Variants in NCMAP observed in about 807,000 individuals in gnomAD.
The protein encoded by NCMAP is noncompact myelin-associated protein.
Under a neutral mutation model 7.8 loss-of-function variants are expected in NCMAP, and 8 were observed. That is an observed-to-expected ratio of 1.02 (90% CI 0.60 to 1.84). The LOEUF (loss-of-function observed/expected upper bound fraction) is 1.84, where lower values mean the gene tolerates loss of function less well. Among genes scored for constraint, NCMAP ranks in the 40% most tolerant of loss-of-function variants. NCMAP has a pLI of 0.00. For missense variants in NCMAP, 112 were observed against 131.4 expected (o/e 0.85, Z 0.72); for synonymous variants, 41 against 52.9 (o/e 0.78, Z 0.98).
chr1:24,595,917 G>C (rs1473035649), intron 2 of NCMAP, among the ~76,000 whole-genome samples: 1 of 149,558 alleles, frequency 6.7e-6, no homozygotes, highest in African/African-American at 2.5e-5. Flanking sequence ...GATGACTAAA[G>C]GGGATAATCC....
chr1:24,576,267 G>C lies in NCMAP; in HGVS notation c.-7-19157G>C, dbSNP rs1226549753. The stretch of plus-strand genomic sequence containing the variant: ...GGCTGGCACTGCTGCTTGAGAGGGT[G>C]GGAAGAAAAGACAGGCGGCAGGCCA... On this transcript the variant is annotated intron_variant, in intron 1 of 3. Transcript: ENST00000374392. This position sits in a 1 kb window ranked among gnomAD's most constrained non-coding sequence, Gnocchi z 4.0. 2.0e-5 allele frequency among the ~76,000 whole-genome samples: 3 copies of C among 152,198 alleles called. No homozygotes were observed. Among genetic ancestry groups the C allele is most frequent in the African/African-American group, 7.2e-5 (3 of 41,450 alleles).
intron 1 of NCMAP, chr1:24,563,586 C>A (rs1002817480): frequency 1.3e-5 from 2 of 149,686 alleles, no homozygotes; most frequent in Non-Finnish European, 3.0e-5. Flanking sequence ...TTCTGAAAGT[C>A]AAGAAATCTT....
At chr1:24,579,192 T>G (rs371195921) in intron 1 of NCMAP, among the ~76,000 whole-genome samples, 1 of 146,892 alleles carries the variant, frequency 6.8e-6, no homozygotes, top group Non-Finnish European at 1.5e-5. Flanking sequence ...TGGGGTAGGG[T>G]GGGGGTTTTT....
chr1:24,561,567 C>A (rs1651054471), intron 1 of NCMAP, among the ~76,000 whole-genome samples: 1 of 152,152 alleles, frequency 6.6e-6, no homozygotes, highest in Non-Finnish European at 1.5e-5. Flanking sequence ...TCCAGCCAGG[C>A]CCTTCACTGT....
intron 1 of NCMAP, among the ~76,000 whole-genome samples, chr1:24,574,788 G>A (rs918372526): frequency 1.3e-5 from 2 of 148,262 alleles, no homozygotes; most frequent in East Asian, 2.0e-4. Flanking sequence ...GACAAGGCCC[G>A]CAATACTTTT....
At chr1:24,574,767 G>A (rs1202308048) in intron 1 of NCMAP, among the ~76,000 whole-genome samples, 5 of 151,548 alleles carry the variant, frequency 3.3e-5, no homozygotes, top group African/African-American at 1.2e-4. Context: ...CCAGGAGCAC[G>A]AGGCACAGTA....
At chr1:24,579,749 A>G (rs962462520) in intron 1 of NCMAP, among the ~76,000 whole-genome samples, 1 of 152,184 alleles carries the variant, frequency 6.6e-6, no homozygotes, top group Non-Finnish European at 1.5e-5. Flanking sequence ...AAATAAGGAA[A>G]CAAAAATCCG....
At chr1:24,601,914 G>A (rs539694166) in intron 3 of NCMAP, among the ~76,000 whole-genome samples, 3 of 152,128 alleles carry the variant, frequency 2.0e-5, no homozygotes, top group Non-Finnish European at 2.9e-5. Flanking sequence ...GGCGGCGTGC[G>A]CCTGTAGTCC....
At chr1:24,558,160 T>A (rs1650959612) in intron 1 of NCMAP, among the ~76,000 whole-genome samples, 1 of 152,204 alleles carries the variant, frequency 6.6e-6, no homozygotes, top group East Asian at 1.9e-4. Flanking sequence ...ACATGAACAG[T>A]TGGGAGGCGC....
intron 1 of NCMAP, among the ~76,000 whole-genome samples, chr1:24,577,401 GTTTTTTTTTTT>G (rs71577720): frequency 2.8e-3 from 111 of 39,964 alleles, no homozygotes; most frequent in Non-Finnish European, 4.2e-3. Flanking sequence ...CACTGGCCTT[GTTTTTTTTTTT>G]TTTTTTTTTT....
intron 1 of NCMAP, among the ~76,000 whole-genome samples, chr1:24,593,645 T>C (rs1652119235): frequency 6.6e-6 from 1 of 152,172 alleles, no homozygotes. Flanking sequence ...TACACCATTT[T>C]TTAAAATGTC....
chr1:24,576,255 G>T lies in NCMAP; in HGVS notation c.-7-19169G>T, dbSNP rs1043454873. Among the ~76,000 whole-genome samples, 1 of 152,208 alleles carries T rather than the reference G, an allele frequency of 6.6e-6. No individual in the cohort carries two copies. Among genetic ancestry groups the T allele is most frequent in the Non-Finnish European group, 1.5e-5 (1 of 68,032 alleles). ...GACAAAGCTGGGGGCTGGCACTGCT[G>T]CTTGAGAGGGTGGGAAGAAAAGACA... On this transcript the variant is annotated intron_variant, in intron 1 of 3. Transcript: ENST00000374392. This position sits in a 1 kb window ranked among gnomAD's most constrained non-coding sequence, Gnocchi z 4.0.
At chr1:24,573,957 A>AAAAAAAAAAAC (rs1651469167) in intron 1 of NCMAP, among the ~76,000 whole-genome samples, 1 of 90,926 alleles carries the variant, frequency 1.1e-5, no homozygotes, top group Non-Finnish European at 2.5e-5. Flanking sequence ...GAGGACAAAA[A>AAAAAAAAAAAC]AAAAAAAAAA....
chr1:24,580,060 C>A (rs1304445640), intron 1 of NCMAP, among the ~76,000 whole-genome samples: 2 of 152,106 alleles, frequency 1.3e-5, no homozygotes, highest in East Asian at 3.9e-4. Flanking sequence ...GCATTCCCAA[C>A]AAAGCGCCAG....
intron 1 of NCMAP, among the ~76,000 whole-genome samples, chr1:24,594,513 A>G (rs956654149): frequency 1.3e-5 from 2 of 152,132 alleles, no homozygotes; most frequent in African/African-American, 4.8e-5. Context: ...AATCGATAAT[A>G]TAGTGTGTGA....
intron 1 of NCMAP, among the ~76,000 whole-genome samples, chr1:24,557,566 G>A (rs573793046): frequency 2.6e-5 from 4 of 152,294 alleles, no homozygotes; most frequent in South Asian, 2.1e-4. Flanking sequence ...CCATCAGCCC[G>A]TGGGAGTGGA....
intron 1 of NCMAP, among the ~76,000 whole-genome samples, chr1:24,566,044 G>T (rs56077938): frequency 0.13 from 19,842 of 152,058 alleles, 1,826 homozygotes; most frequent in African/African-American, 0.26. Context: ...AGTTACCTTG[G>T]TTCCCCTTCT....
At chr1:24,573,527 G>T (rs1651449109) in intron 1 of NCMAP, among the ~76,000 whole-genome samples, 2 of 150,844 alleles carry the variant, frequency 1.3e-5, no homozygotes, top group Admixed American at 1.3e-4. Context: ...GGCAGAGGTT[G>T]CAGTGAGCTA....
In NCMAP at chr1:24,597,201, T is replaced by C. The variant is rs181367895; in HGVS notation, c.82+1689T>C. Among the ~76,000 whole-genome samples the C allele has an allele frequency of 3.5e-3, 526 of 152,074 alleles. 1 individual carries two copies. Among genetic ancestry groups the C allele is most frequent in the Middle Eastern group, 0.01 (3 of 294 alleles). On this transcript the variant is annotated intron_variant, in intron 2 of 3. Coordinates refer to ENST00000374392, the MANE Select transcript of NCMAP (RefSeq NM_001010980.5). ...GAAGACGAGAATAATTCTGTTTTTC[T>C]TGAACTGAAAGTAGTGGTTCTTGGC...
Sources: allele counts gnomAD v4.1 joint callset (sites outside exome capture counted in the v4.1 genomes callset), GRCh38; gene constraint gnomAD v4.1.1; non-coding constraint Gnocchi (gnomAD v3.1); transcripts MANE v1.5; gene names NCBI Gene and HGNC (gene_info 2026-07-23, HGNC 2026-07-21).